The following MROH2A variants were observed in gnomAD, a reference collection of about 807,000 sequenced individuals.
The protein encoded by MROH2A is maestro heat like repeat family member 2A.
MROH2A carries 174 observed loss-of-function variants against 200.4 expected under a neutral mutation model. That is an observed-to-expected ratio of 0.87 (90% confidence interval 0.77 to 0.98). The LOEUF is 0.98. MROH2A is among the 50% of genes least tolerant of loss of function. MROH2A has a pLI of 0.00. For synonymous variants in MROH2A, 829 were observed against 840.4 expected (o/e 0.99, Z 0.23); for missense variants, 2,045 against 2,139.6 (o/e 0.96, Z 0.87).
intron 26 of MROH2A, 136 bp downstream of exon 26, chr2:233,814,813 C>A: frequency 5.0e-6 from 3 of 596,648 alleles, no homozygotes; most frequent in African/African-American, 1.9e-5. Context: ...AATTCCAGAT[C>A]TGCTAAAAAT....
At chr2:233,823,811 C>T (rs769949737) in intron 35 of MROH2A, 147 bp downstream of exon 35, 7 of 1,004,132 alleles carry the variant, frequency 7.0e-6, no homozygotes, top group Non-Finnish European at 1.0e-5. Flanking sequence ...CTCATCTGCT[C>T]CTTCATTCAT....
At chr2:233,793,858 TC>T in intron 7 of MROH2A, 34 bp downstream of exon 7, 1 of 1,361,370 alleles carries the variant, frequency 7.3e-7, no homozygotes, top group South Asian at 2.0e-5. Flanking sequence ...GGCCTGGTGG[TC>T]CCCAGGCCAC....
intron 6 of MROH2A, 58 bp downstream of exon 6, chr2:233,792,952 G>C: frequency 1.3e-6 from 2 of 1,497,894 alleles, no homozygotes; most frequent in Non-Finnish European, 1.8e-6. Flanking sequence ...GAGGGAGACT[G>C]CTGGGTAAGG....
At chr2:233,829,408 C>T (rs1383864218) in intron 37 of MROH2A, among the ~76,000 whole-genome samples, 2 of 152,136 alleles carry the variant, frequency 1.3e-5, no homozygotes, top group Admixed American at 6.5e-5. Context: ...CTGCACAAGC[C>T]CTCACCCAGG....
intron 3 of MROH2A, among the ~76,000 whole-genome samples, chr2:233,785,294 C>T (rs1040961994): frequency 6.6e-6 from 1 of 151,802 alleles, no homozygotes; most frequent in African/African-American, 2.4e-5. Flanking sequence ...ATAGCAAGAC[C>T]ACATCTCTAA....
At chr2:233,804,466 C>T in intron 17 of MROH2A, 29 bp from the exon 18 acceptor site, 1 of 1,550,502 alleles carries the variant, frequency 6.4e-7, no homozygotes, top group South Asian at 1.2e-5. Context: ...AAGAAAGTGG[C>T]ATGTGTGACC....
intron 31 of MROH2A, among the ~76,000 whole-genome samples, chr2:233,821,204 G>C (rs1703915455): frequency 1.3e-5 from 2 of 152,230 alleles, no homozygotes; most frequent in South Asian, 4.1e-4. Context: ...CCTGTGATGA[G>C]GGTGTCAGCT....
Position 233,789,539 on chromosome 2 carries a change from G to T in MROH2A, c.319G>T (p.Asp107Tyr). Residue 107 changes from aspartate to tyrosine, a missense_variant, in exon 4 of 42, where the codon GAC (aspartate) becomes TAC (tyrosine). Asp to Tyr is a radical substitution (Grantham distance 160, BLOSUM62 -3). Around this residue, in one of 3 missense-constraint regions of MROH2A, gnomAD observed 831 missense variants for 800.0 expected, o/e 1.04. Coordinates refer to ENST00000389758, the MANE Select transcript of MROH2A (RefSeq NM_001394639.1). ...GGTCAACATTTACAACATCCTCCAG[G>T]ACATCATCCAGCAGGAGGGGGAGCT... Reference protein sequence around the residue: ...RKVNIYNILQDIIQQEGELEE... With the variant: ...RKVNIYNILQYIIQQEGELEE... The T allele has an allele frequency of 1.3e-6, 2 of 1,482,420 alleles. No homozygotes were observed. Among genetic ancestry groups the T allele is most frequent in the Non-Finnish European group, 1.8e-6 (2 of 1,115,916 alleles). The allele number at this position is 1,482,420 out of a possible 1,614,324, so 91.8% of individuals were successfully genotyped here.
At position 233,828,207 on chromosome 2, in the gene MROH2A, A is replaced by G. The variant is rs961481638; in HGVS notation, c.4114-423A>G. Among the ~76,000 whole-genome samples, 1 of 152,190 alleles carries G rather than the reference A, an allele frequency of 6.6e-6. No individual in the cohort carries two copies. The highest frequency in any genetic ancestry group is 6.5e-5 in the Admixed American group (1 of 15,276). ...TGCATGCACACATGTACACACATGT[A>G]CACACATGCATGCACCCACACGCAT... On this transcript the variant is annotated intron_variant, in intron 35 of 41. Coordinates refer to ENST00000389758, the MANE Select transcript of MROH2A (RefSeq NM_001394639.1). This position sits in a 1 kb window ranked among gnomAD's most constrained non-coding sequence, Gnocchi z 4.6.
At chr2:233,794,888 C>T (rs894614998) in intron 8 of MROH2A, among the ~76,000 whole-genome samples, 25 of 152,292 alleles carry the variant, frequency 1.6e-4, no homozygotes, top group African/African-American at 5.1e-4. Context: ...GGCTGTGCTC[C>T]TTCTGAAGGC....
chr2:233,805,163 T>A, intron 19 of MROH2A, 52 bp downstream of exon 19: 3 of 1,236,692 alleles, frequency 2.4e-6, no homozygotes, highest in Non-Finnish European at 3.5e-6. Context: ...ACTCCAGGGG[T>A]GAGGGAGTGG....
intron 6 of MROH2A, among the ~76,000 whole-genome samples, chr2:233,793,292 C>G (rs1701899302): frequency 6.6e-6 from 1 of 152,146 alleles, no homozygotes; most frequent in Non-Finnish European, 1.5e-5. Flanking sequence ...TCACCTTGCC[C>G]CAGATTTTGA....
rs1703331151 is a variant in MROH2A at position 233,813,781 on chromosome 2, A to T, written c.2760+3A>T. 6.6e-7 allele frequency: 1 copy of T among 1,516,702 alleles called. No individual in the cohort carries two copies. Among genetic ancestry groups the T allele is most frequent in the African/African-American group, 1.4e-5 (1 of 72,310 alleles). The allele number at this position is 1,516,702 out of a possible 1,614,324, so 94.0% of individuals were successfully genotyped here. ...GAGAGGACAATGAGTCCATTAAGGT[A>T]GGTCCCTCTGGGATGCCTCATTTGC... is the stretch of plus-strand genomic sequence containing the variant. On this transcript the variant is annotated splice_donor_region_variant and intron_variant, in intron 25 of 41. Transcript: ENST00000389758.
Position 233,829,712 on chromosome 2 carries a change from G to A in MROH2A, c.4539G>A (p.Glu1513=). ...CCAAGAAGCATTTCTTCAAAGGGGAGGTGAAGAAGGCCTGGATCCCCCTCA... is the reference window on the plus strand; with the variant it reads ...CCAAGAAGCATTTCTTCAAAGGGGAAGTGAAGAAGGCCTGGATCCCCCTCA... The part of the protein sequence containing the change: ...GMSKKHFFKG[E]VKKAWIPLML... Residue 1513 remains glutamate (E), a synonymous_variant, in exon 38 of 42, where the codon GAG becomes GAA. Coordinates refer to ENST00000389758, the MANE Select transcript of MROH2A (RefSeq NM_001394639.1). The A allele has an allele frequency of 6.7e-7, 1 of 1,493,272 alleles. No individual in the cohort carries two copies. The highest frequency in any genetic ancestry group is 8.9e-7 in the Non-Finnish European group (1 of 1,118,618). 92.5% of individuals were successfully genotyped at this position (1,493,272 alleles called of 1,614,324 possible).
At chr2:233,832,727 A>G (rs751332504) in intron 41 of MROH2A, 83 bp downstream of exon 41, 92 of 562,478 alleles carry the variant, frequency 1.6e-4, no homozygotes, top group Middle Eastern at 3.1e-4. Flanking sequence ...TCAAGGGAAG[A>G]GCCAGAGGAC....
At position 233,829,633 on chromosome 2, in the gene MROH2A, T is replaced by G; in HGVS notation, c.4460T>G (p.Leu1487Arg). 7.0e-7 allele frequency: 1 copy of G among 1,433,052 alleles called. No individual in the cohort carries two copies. The highest frequency in any genetic ancestry group is 1.5e-5 in the South Asian group (1 of 64,680). The allele number at this position is 1,433,052 out of a possible 1,614,324, so 88.8% of individuals were successfully genotyped here. Residue 1487 changes from leucine to arginine, a missense_variant, in exon 38 of 42, where the codon CTG becomes CGG. Coordinates refer to ENST00000389758, the MANE Select transcript of MROH2A (RefSeq NM_001394639.1). ...RIFFDNESEL[L>R]RLKAFILFGK... ...TCCTGGCCACAGGAGAGCGAGCTGC[T>G]GCGTCTGAAAGCCTTCATCCTCTTT...
Position 233,804,145 on chromosome 2 carries a change from C to T in MROH2A, c.1844C>T (p.Ala615Val). ...AGCCAGAGCATCGCACCCTCCATGGCCGACATGTGGGAGCTGGAGATTGCG... is the reference window on the plus strand; with the variant it reads ...AGCCAGAGCATCGCACCCTCCATGGTCGACATGTGGGAGCTGGAGATTGCG... ...TLSQSIAPSM[A>V]DMWELEIALL... The change falls in exon 17 of 42, where the codon GCC (alanine) becomes GTC (valine). Residue 615 changes from alanine (A) to valine (V), a missense_variant. Physicochemically the swap from Ala to Val is moderately conservative, Grantham distance 64. Around this residue, in one of 3 missense-constraint regions of MROH2A, gnomAD observed 831 missense variants for 800.0 expected, o/e 1.04. Coordinates refer to ENST00000389758, the MANE Select transcript of MROH2A (RefSeq NM_001394639.1). 6.4e-7 allele frequency: 1 copy of T among 1,550,550 alleles called. No individual in the cohort carries two copies.
intron 3 of MROH2A, among the ~76,000 whole-genome samples, chr2:233,781,323 A>G (rs969391754): frequency 6.6e-5 from 10 of 152,222 alleles, no homozygotes; most frequent in African/African-American, 2.4e-4. Context: ...AGAGTTTTCC[A>G]TAATGGCTGT....
chr2:233,795,934 T>G (rs1559449536), intron 9 of MROH2A, 33 bp from the exon 10 acceptor site: 5 of 1,547,374 alleles, frequency 3.2e-6, no homozygotes, highest in Non-Finnish European at 4.4e-6. Flanking sequence ...GTCCCTGTGA[T>G]CTCCTCCAGC....
Sources: allele counts gnomAD v4.1 joint callset (sites outside exome capture counted in the v4.1 genomes callset), GRCh38; gene constraint gnomAD v4.1.1; regional missense constraint gnomAD v4.1.1; non-coding constraint Gnocchi (gnomAD v3.1); transcripts MANE v1.5; gene names NCBI Gene and HGNC (gene_info 2026-07-23, HGNC 2026-07-21).